Variants in TSPAN14 observed in about 807,000 individuals in gnomAD.
The protein encoded by TSPAN14 is tetraspanin-14.
A neutral mutation model predicts 36.6 loss-of-function variants in TSPAN14; 16 were observed. The observed-to-expected ratio is 0.44, with a 90% CI of 0.30 to 0.66. The LOEUF (loss-of-function observed/expected upper bound fraction) is 0.66, where lower values mean the gene tolerates loss of function less well. TSPAN14 is among the 30% of genes least tolerant of loss of function. TSPAN14 has a pLI of 0.12. For missense variants in TSPAN14, 231 were observed against 355.1 expected, an observed-to-expected ratio of 0.65 and a Z score of 2.81; for synonymous variants, 139 against 143.8, an observed-to-expected ratio of 0.97 and a Z score of 0.24.
intron 2 of TSPAN14, among the ~76,000 whole-genome samples, chr10:80,491,273 G>A (rs1847906773): frequency 2.6e-5 from 4 of 152,182 alleles, no homozygotes; most frequent in South Asian, 2.1e-4. Flanking sequence ...TCTTAATGCG[G>A]GAGTCCATGC....
chr10:80,494,636 G>A (rs909569664), intron 2 of TSPAN14, among the ~76,000 whole-genome samples: 4 of 152,194 alleles, frequency 2.6e-5, no homozygotes, highest in Admixed American at 6.5e-5. Context: ...TCTTCTGACT[G>A]ATGGAAAATT....
chr10:80,510,419 G>A (rs1840552881), intron 5 of TSPAN14, among the ~76,000 whole-genome samples: 1 of 152,142 alleles, frequency 6.6e-6, no homozygotes, highest in East Asian at 1.9e-4. Context: ...CCAAATCCCC[G>A]CCATGTTTTG....
At chr10:80,464,138 G>A (rs2131958251) in intron 1 of TSPAN14, among the ~76,000 whole-genome samples, 1 of 152,296 alleles carries the variant, frequency 6.6e-6, no homozygotes, top group South Asian at 2.1e-4. Flanking sequence ...AGCGTTGGTT[G>A]CAGCAAGCTG....
chr10:80,457,176 A>AG (rs1429519907), intron 1 of TSPAN14, among the ~76,000 whole-genome samples: 1 of 151,778 alleles, frequency 6.6e-6, no homozygotes, highest in Non-Finnish European at 1.5e-5. Context: ...TCTCAATATG[A>AG]GCTGGGTTTT....
chr10:80,483,091 G>T (rs1342478604), intron 1 of TSPAN14, among the ~76,000 whole-genome samples: 1 of 152,072 alleles, frequency 6.6e-6, no homozygotes, highest in African/African-American at 2.4e-5. Context: ...TTGAGAATGT[G>T]CTACTTTTTT....
chr10:80,501,440 A>G (rs1848518957), intron 2 of TSPAN14, among the ~76,000 whole-genome samples: 1 of 152,160 alleles, frequency 6.6e-6, no homozygotes. Context: ...GTGGGAAACA[A>G]TACCCTTAGA....
At chr10:80,504,609 A>T in intron 2 of TSPAN14, 119 bp from the exon 3 acceptor site, 1 of 1,172,364 alleles carries the variant, frequency 8.5e-7, no homozygotes, top group South Asian at 1.3e-5. Flanking sequence ...CTGAGGGGCC[A>T]TGTGGGATGT....
chr10:80,511,975 G>A (rs1004914547), intron 5 of TSPAN14, among the ~76,000 whole-genome samples, 169 bp from the exon 6 acceptor site: 2 of 151,978 alleles, frequency 1.3e-5, no homozygotes, highest in Non-Finnish European at 2.9e-5. Context: ...GGGCTGCCTG[G>A]GTTGCCAGCT....
intron 2 of TSPAN14, among the ~76,000 whole-genome samples, chr10:80,500,841 AG>A (rs1196664490): frequency 6.6e-6 from 1 of 152,222 alleles, no homozygotes; most frequent in Non-Finnish European, 1.5e-5. Context: ...CATGTGGGGA[AG>A]GGGCGATTGG....
chr10:80,459,873 C>CAGCT (rs1845892886), intron 1 of TSPAN14, among the ~76,000 whole-genome samples: 1 of 152,150 alleles, frequency 6.6e-6, no homozygotes, highest in African/African-American at 2.4e-5. Flanking sequence ...GGGTGCCCAC[C>CAGCT]AGCTGTGCTG....
At chr10:80,511,160 T>C (rs908045320) in intron 5 of TSPAN14, among the ~76,000 whole-genome samples, 3 of 152,200 alleles carry the variant, frequency 2.0e-5, no homozygotes, top group African/African-American at 7.2e-5. Context: ...AACTTCACAA[T>C]GATGCTTTCA....
At chr10:80,468,026 CTCT>C (rs1398439138) in intron 1 of TSPAN14, among the ~76,000 whole-genome samples, 1 of 152,178 alleles carries the variant, frequency 6.6e-6, no homozygotes, top group African/African-American at 2.4e-5. Context: ...ATCCCCATTC[CTCT>C]TCTTTGGGGG....
chr10:80,474,171 A>G (rs2343307), intron 1 of TSPAN14, among the ~76,000 whole-genome samples: 1,706 of 152,034 alleles, frequency 0.011, 38 homozygotes, highest in African/African-American at 0.039. Flanking sequence ...CTTCCTTGGG[A>G]TGGGCCTGTG....
At chr10:80,491,222 T>A (rs1384642346) in intron 2 of TSPAN14, among the ~76,000 whole-genome samples, 1 of 152,226 alleles carries the variant, frequency 6.6e-6, no homozygotes, top group Admixed American at 6.5e-5. Flanking sequence ...GTCCCTGGAA[T>A]AGGGCATTGC....
chr10:80,482,732 CTTTTTTTTTTTT>C lies in TSPAN14; in HGVS notation c.-17-6476_-17-6465del, dbSNP rs34769982. Among the ~76,000 whole-genome samples the C allele has an allele frequency of 7.5e-4, 83 of 110,510 alleles. 6 individuals are homozygous for C. The highest frequency in any genetic ancestry group is 2.9e-3 in the African/African-American group (73 of 25,570). 72.5% of individuals were successfully genotyped at this position (110,510 alleles called of 152,430 possible). A position where few individuals can be genotyped will look rare whatever the true frequency, so the allele number is the denominator to read the frequency against. ...TCATTGTCAGTTCACTTTTCTTTTC[CTTTTTTTTTTTT>C]TTTTTTTTGAGACGGAGTTTCGCTC... On this transcript the variant is annotated intron_variant, in intron 1 of 8. Coordinates refer to ENST00000429989, the Ensembl canonical transcript of TSPAN14.
intron 1 of TSPAN14, among the ~76,000 whole-genome samples, chr10:80,470,248 C>T (rs1174978301): frequency 6.6e-6 from 1 of 152,162 alleles, no homozygotes; most frequent in African/African-American, 2.4e-5. Flanking sequence ...ACCAGGCCTG[C>T]TAATTTTTCT....
chr10:80,472,786 C>T (rs939240293), intron 1 of TSPAN14, among the ~76,000 whole-genome samples: 1 of 152,002 alleles, frequency 6.6e-6, no homozygotes, highest in African/African-American at 2.4e-5. Context: ...AGTTAAAATC[C>T]GTTGTTATTA....
At chr10:80,481,195 A>G (rs1162152751) in intron 1 of TSPAN14, among the ~76,000 whole-genome samples, 1 of 152,224 alleles carries the variant, frequency 6.6e-6, no homozygotes, top group Non-Finnish European at 1.5e-5. Flanking sequence ...CGTGAAGGTG[A>G]ACAAAGACTG....
At chr10:80,470,752 C>G (rs1056874972) in intron 1 of TSPAN14, among the ~76,000 whole-genome samples, 2 of 152,234 alleles carry the variant, frequency 1.3e-5, no homozygotes, top group African/African-American at 4.8e-5. Context: ...CTTGGAACAT[C>G]TATGGTGTTC....
Sources: allele counts gnomAD v4.1 joint callset (sites outside exome capture counted in the v4.1 genomes callset), GRCh38; gene constraint gnomAD v4.1.1; transcripts MANE v1.5; gene names NCBI Gene and HGNC (gene_info 2026-07-23, HGNC 2026-07-21).